CPB2: variants seen among roughly 807,000 people sequenced by gnomAD.
CPB2 encodes carboxypeptidase B-like protein.
In CPB2, 54 loss-of-function variants were observed where a neutral mutation model predicts 57.0. That is an observed-to-expected ratio of 0.95 (90% CI 0.76 to 1.19). The LOEUF is 1.19. Among genes scored for constraint, CPB2 ranks in the 50% most tolerant of loss-of-function variants. CPB2 has a pLI of 0.00. For synonymous variants in CPB2, 189 were observed against 178.1 expected (o/e 1.06, Z -0.49); for missense variants, 426 against 512.0 (o/e 0.83, Z 1.62).
At chr13:46,070,830 G>A (rs898826509) in intron 6 of CPB2, among the ~76,000 whole-genome samples, 1 of 152,160 alleles carries the variant, frequency 6.6e-6, no homozygotes, top group Non-Finnish European at 1.5e-5. Context: ...AGTAGGTACT[G>A]TTTAGATACT....
chr13:46,056,833 C>G (rs1348010304), intron 9 of CPB2, among the ~76,000 whole-genome samples: 1 of 152,168 alleles, frequency 6.6e-6, no homozygotes, highest in Non-Finnish European at 1.5e-5. Context: ...TTTTCCCCCC[C>G]TTAATAGATT....
chr13:46,055,363 G>A (rs899636341), intron 10 of CPB2, among the ~76,000 whole-genome samples: 13 of 152,146 alleles, frequency 8.5e-5, no homozygotes, highest in African/African-American at 2.9e-4. Flanking sequence ...TTGGGAACAG[G>A]CTAACACTAA....
intron 8 of CPB2, among the ~76,000 whole-genome samples, chr13:46,060,448 C>A (rs1157831807): frequency 7.8e-6 from 1 of 128,782 alleles, no homozygotes; most frequent in Non-Finnish European, 1.6e-5. Context: ...GATGACAGAA[C>A]AAGACCCTGC....
intron 7 of CPB2, among the ~76,000 whole-genome samples, chr13:46,065,626 C>CAAAAAA (rs397851865): frequency 3.2e-5 from 2 of 62,010 alleles, no homozygotes; most frequent in South Asian, 6.9e-4. Flanking sequence ...GACTCCGTCT[C>CAAAAAA]AAAAAAAAAA....
intron 2 of CPB2, 89 bp from the exon 3 acceptor site, chr13:46,084,432 A>G: frequency 2.1e-6 from 3 of 1,437,918 alleles, no homozygotes; most frequent in South Asian, 2.6e-5. Flanking sequence ...AGTTTTATCT[A>G]TAAGGAGTAT....
chr13:46,068,943 A>G (rs1327032053), intron 6 of CPB2, among the ~76,000 whole-genome samples: 1 of 152,250 alleles, frequency 6.6e-6, no homozygotes, highest in Non-Finnish European at 1.5e-5. Context: ...TGTAGCATTC[A>G]TTATTAGAAA....
At chr13:46,055,704 T>A in intron 10 of CPB2, 58 bp downstream of exon 10, 1 of 1,002,808 alleles carries the variant, frequency 1.0e-6, no homozygotes, top group Non-Finnish European at 1.5e-6. Context: ...GAAAAACAGA[T>A]CACACAGATT....
intron 6 of CPB2, among the ~76,000 whole-genome samples, chr13:46,068,325 C>G (rs2044886216): frequency 6.6e-6 from 1 of 152,134 alleles, no homozygotes; most frequent in Non-Finnish European, 1.5e-5. Context: ...ATAAACTTTA[C>G]TATTTTCCCT....
intron 2 of CPB2, among the ~76,000 whole-genome samples, chr13:46,087,228 A>G (rs923213019): frequency 6.6e-6 from 1 of 151,524 alleles, no homozygotes; most frequent in Non-Finnish European, 1.5e-5. Context: ...CGGGACTTTT[A>G]CCTCCTCCTG....
chr13:46,068,342 G>A (rs1018340337), intron 6 of CPB2, among the ~76,000 whole-genome samples: 13 of 151,802 alleles, frequency 8.6e-5, no homozygotes, highest in Admixed American at 2.0e-4. Flanking sequence ...CCCTTTAAAC[G>A]TTTAAAATAT....
intron 1 of CPB2, among the ~76,000 whole-genome samples, chr13:46,088,213 T>A (rs1425789400): frequency 6.6e-6 from 1 of 152,194 alleles, no homozygotes; most frequent in Non-Finnish European, 1.5e-5. Flanking sequence ...CCAGCTTCCT[T>A]GACATCCTGA....
chr13:46,066,328 A>G (rs2044853809), intron 7 of CPB2, among the ~76,000 whole-genome samples: 1 of 152,256 alleles, frequency 6.6e-6, no homozygotes, highest in Non-Finnish European at 1.5e-5. Context: ...CAGAAAATAC[A>G]GACAGAAGAG....
intron 6 of CPB2, among the ~76,000 whole-genome samples, chr13:46,067,966 C>G (rs2044880927): frequency 6.6e-6 from 1 of 152,166 alleles, no homozygotes; most frequent in South Asian, 2.1e-4. Flanking sequence ...CGGACATCAT[C>G]TCAAACTTGT....
intron 1 of CPB2, among the ~76,000 whole-genome samples, chr13:46,103,738 G>A (rs11574984): frequency 0.015 from 2,334 of 152,222 alleles, 69 homozygotes; most frequent in African/African-American, 0.053. Context: ...AGCCAAGTTG[G>A]ACATGTTGAT....
Position 46,104,789 on chromosome 13 carries a change from T to C in CPB2, c.74+147A>G, listed in dbSNP as rs2045473946. ...AGCCCATTGTGCTAAAGTCTACTTA[T>C]TTGTCAGGGCAACTTGGAAAGTTCT... On this transcript the variant is annotated intron_variant, in intron 1 of 10. Transcript: ENST00000181383. 20 of 807,384 alleles carry C rather than the reference T, an allele frequency of 2.5e-5. No individual in the cohort carries two copies. The South Asian group carries it at 3.4e-4, about 14-fold the overall frequency. 50.0% of individuals were successfully genotyped at this position (807,384 alleles called of 1,614,324 possible). A position where few individuals can be genotyped will look rare whatever the true frequency, so the allele number is the denominator to read the frequency against.
At chr13:46,077,509 C>T (rs2045041213) in intron 5 of CPB2, among the ~76,000 whole-genome samples, 1 of 152,070 alleles carries the variant, frequency 6.6e-6, no homozygotes, top group Admixed American at 6.6e-5. Context: ...TATGAAAAAC[C>T]ATGTGGAGGT....
intron 8 of CPB2, among the ~76,000 whole-genome samples, chr13:46,063,680 A>T (rs989490238): frequency 2.0e-5 from 3 of 152,152 alleles, no homozygotes; most frequent in Non-Finnish European, 4.4e-5. Flanking sequence ...CTATGAGTAT[A>T]TACTCAGTGA....
At chr13:46,096,911 A>G (rs1478074455) in intron 1 of CPB2, among the ~76,000 whole-genome samples, 1 of 152,224 alleles carries the variant, frequency 6.6e-6, no homozygotes, top group Non-Finnish European at 1.5e-5. Flanking sequence ...TTGGGTGGAA[A>G]AGGTGTTTCC....
At chr13:46,076,671 A>C (rs76344538) in intron 5 of CPB2, among the ~76,000 whole-genome samples, 1,964 of 152,232 alleles carry the variant, frequency 0.013, 36 homozygotes, top group African/African-American at 0.044. Flanking sequence ...TGAAAATCCA[A>C]AGCAATGCTG....
Sources: gnomAD v4.1 joint callset for allele counts (sites outside exome capture counted in the v4.1 genomes callset) on GRCh38, gnomAD v4.1.1 for gene constraint, MANE v1.5 for transcripts, NCBI Gene and HGNC (gene_info 2026-07-23, HGNC 2026-07-21) for gene names.